Variants in SORCS3 observed in about 807,000 individuals in gnomAD.
SORCS3 encodes VPS10 domain-containing receptor SorCS3.
A neutral mutation model predicts 146.3 loss-of-function variants in SORCS3; 57 were observed. That is an observed-to-expected ratio of 0.39 (90% CI 0.31 to 0.49). The LOEUF (loss-of-function observed/expected upper bound fraction) is 0.49, where lower values mean the gene tolerates loss of function less well. SORCS3 is among the 20% of genes least tolerant of loss of function. SORCS3 has a pLI of 0.92. For missense variants in SORCS3, 1,341 were observed against 1,575.5 expected (o/e 0.85, Z 2.52); for synonymous variants, 653 against 618.5 (o/e 1.06, Z -0.83).
intron 1 of SORCS3, among the ~76,000 whole-genome samples, chr10:104,705,187 G>A (rs2016321795): frequency 7.0e-6 from 1 of 141,900 alleles, no homozygotes; most frequent in Non-Finnish European, 1.5e-5. Flanking sequence ...TTAGAGATGT[G>A]TATTTATTTG....
intron 16 of SORCS3, among the ~76,000 whole-genome samples, chr10:105,209,150 T>C (rs1432088441): frequency 6.6e-6 from 1 of 152,142 alleles, no homozygotes; most frequent in Non-Finnish European, 1.5e-5. Flanking sequence ...ATAATTTTTT[T>C]TTTCTTTTGA....
chr10:104,714,682 C>A (rs1003673652), intron 1 of SORCS3, among the ~76,000 whole-genome samples: 6 of 152,088 alleles, frequency 3.9e-5, no homozygotes, highest in Non-Finnish European at 5.9e-5. Flanking sequence ...TATGGTGTAT[C>A]TTGGTGAATA....
intron 1 of SORCS3, chr10:104,665,465 T>C (rs1341749008): frequency 1.3e-5 from 2 of 152,314 alleles, no homozygotes; most frequent in African/African-American, 4.8e-5. Flanking sequence ...AGTAATCACT[T>C]AGTCACTCTG....
At chr10:104,892,716 T>C (rs1343922948) in intron 2 of SORCS3, among the ~76,000 whole-genome samples, 1 of 150,308 alleles carries the variant, frequency 6.7e-6, no homozygotes, top group East Asian at 2.0e-4. Context: ...AGTGAGATTC[T>C]GCCTCAAAAA....
At chr10:104,684,105 G>C (rs956356306) in intron 1 of SORCS3, among the ~76,000 whole-genome samples, 1 of 152,182 alleles carries the variant, frequency 6.6e-6, no homozygotes, top group South Asian at 2.1e-4. Context: ...ATTCTGCTGT[G>C]GCTCAGGGAT....
At chr10:105,134,665 C>T (rs552101433) in intron 7 of SORCS3, among the ~76,000 whole-genome samples, 32 of 152,156 alleles carry the variant, frequency 2.1e-4, no homozygotes, top group African/African-American at 7.5e-4. Context: ...TGAACGGCCC[C>T]AACTCTTAAT....
intron 6 of SORCS3, among the ~76,000 whole-genome samples, chr10:105,103,935 C>T (rs2055803863): frequency 6.6e-6 from 1 of 152,176 alleles, no homozygotes; most frequent in Non-Finnish European, 1.5e-5. Flanking sequence ...AAAGGAAAAT[C>T]TCTAATTCAC....
intron 4 of SORCS3, among the ~76,000 whole-genome samples, chr10:105,015,985 C>T (rs561458635): frequency 1.3e-5 from 2 of 151,496 alleles, no homozygotes; most frequent in South Asian, 4.2e-4. Context: ...CCCTCAGCCT[C>T]CCAAAGTGCT....
intron 1 of SORCS3, among the ~76,000 whole-genome samples, chr10:104,813,807 G>GA (rs369455149): frequency 7.4e-5 from 11 of 147,702 alleles, no homozygotes; most frequent in Admixed American, 4.0e-4. Context: ...ATGGGTTTGA[G>GA]AAAAAAAAAA....
At chr10:105,134,444 A>C (rs760119256) in intron 7 of SORCS3, among the ~76,000 whole-genome samples, 1 of 152,080 alleles carries the variant, frequency 6.6e-6, no homozygotes, top group Non-Finnish European at 1.5e-5. Context: ...GGAAAGCCCA[A>C]GATTAAGGCA....
At chr10:104,842,048 G>A (rs1443902755) in intron 1 of SORCS3, among the ~76,000 whole-genome samples, 1 of 152,212 alleles carries the variant, frequency 6.6e-6, no homozygotes, top group Admixed American at 6.5e-5. Context: ...CATGGGAACA[G>A]ACTGGTCAGC....
In SORCS3 at chr10:105,211,161, G is replaced by T; in HGVS notation, c.2286G>T (p.Gly762=). The T allele has an allele frequency of 1.2e-6, 2 of 1,613,914 alleles. No homozygotes were observed. Among genetic ancestry groups the T allele is most frequent in the Non-Finnish European group, 1.7e-6 (2 of 1,179,854 alleles). ...GTGACTATGGGTATGAGAGACATGG[G>T]GAGAGCCAGTGTGTCCCAGCTTTCT... The part of the protein sequence containing the change: ...FECDYGYERH[G]ESQCVPAFWY... Residue 762 remains glycine, a synonymous_variant, in exon 17 of 27, where the codon GGG becomes GGT. Transcript: ENST00000369701.
intron 1 of SORCS3, among the ~76,000 whole-genome samples, chr10:104,692,385 G>A (rs1462042029): frequency 6.6e-6 from 1 of 152,170 alleles, no homozygotes; most frequent in Non-Finnish European, 1.5e-5. Flanking sequence ...AGGCTTTGGG[G>A]CACAAGATGG....
In SORCS3 at chr10:105,147,619, C is replaced by T. The variant is rs368369848; in HGVS notation, c.1305C>T (p.Asp435=). 1 of 1,606,494 alleles carries T rather than the reference C, an allele frequency of 6.2e-7. No individual in the cohort carries two copies. The highest frequency in any genetic ancestry group is 1.3e-5 in the African/African-American group (1 of 74,564). Reference sequence around the variant, plus strand: ...ACAAGCCTTCCATCTTCTTTCAGGACATGCACATCATCAGTACAGACGAGA... The same window carrying T: ...ACAAGCCTTCCATCTTCTTTCAGGATATGCACATCATCAGTACAGACGAGA... ...IKLPKYSLPK[D]MHIISTDENQ... The change falls in exon 9 of 27, where the codon GAC becomes GAT. Residue 435 remains aspartate (D), a splice_region_variant and synonymous_variant. Coordinates refer to ENST00000369701, the MANE Select transcript of SORCS3 (RefSeq NM_014978.3).
At chr10:104,957,116 C>G (rs1053350022) in intron 3 of SORCS3, among the ~76,000 whole-genome samples, 1 of 152,164 alleles carries the variant, frequency 6.6e-6, no homozygotes, top group African/African-American at 2.4e-5. Context: ...TGGCCCTTTG[C>G]TTTGGGATTA....
chr10:105,086,636 A>C (rs2055662498), intron 5 of SORCS3, among the ~76,000 whole-genome samples: 1 of 152,208 alleles, frequency 6.6e-6, no homozygotes. Flanking sequence ...TTAGTATAGC[A>C]TAGTATTTAT....
intron 4 of SORCS3, among the ~76,000 whole-genome samples, chr10:105,041,389 G>A (rs2055337071): frequency 7.1e-6 from 1 of 141,656 alleles, no homozygotes. Flanking sequence ...AACATTACAG[G>A]CTATTTTGAG....
chr10:104,690,617 C>T (rs1213010014), intron 1 of SORCS3, among the ~76,000 whole-genome samples: 1 of 152,114 alleles, frequency 6.6e-6, no homozygotes, highest in East Asian at 1.9e-4. Context: ...GTTGCAGGAA[C>T]CTTTATATTT....
intron 15 of SORCS3, 90 bp from the exon 16 acceptor site, chr10:105,201,030 A>G (rs1015538085): frequency 7.1e-6 from 10 of 1,412,670 alleles, no homozygotes; most frequent in South Asian, 1.3e-5. Context: ...CTAAATGAGA[A>G]TGAACAGGCT....
Sources: gnomAD v4.1 joint callset for allele counts (sites outside exome capture counted in the v4.1 genomes callset) on GRCh38, gnomAD v4.1.1 for gene constraint, MANE v1.5 for transcripts, NCBI Gene and HGNC (gene_info 2026-07-23, HGNC 2026-07-21) for gene names.